DNAH9: variants seen among roughly 807,000 people sequenced by gnomAD.
The protein encoded by DNAH9 is DNAH9 variant protein.
Under a neutral mutation model 471.6 loss-of-function variants are expected in DNAH9, and 345 were observed. The ratio of observed to expected loss-of-function variants is 0.73; its 90% CI spans 0.67 to 0.80. The LOEUF is 0.80. Among genes scored for constraint, DNAH9 ranks in the 30% least tolerant of loss-of-function variants. DNAH9 has a pLI of 0.00. For synonymous variants in DNAH9, 2,093 were observed against 2,123.6 expected, an observed-to-expected ratio of 0.99 and a Z score of 0.40; for missense variants, 5,407 against 5,609.2, an observed-to-expected ratio of 0.96 and a Z score of 1.15.
intron 51 of DNAH9, 100 bp downstream of exon 51, chr17:11,869,353 G>T: frequency 6.8e-7 from 1 of 1,460,076 alleles, no homozygotes; most frequent in South Asian, 1.4e-5. Context: ...GCAGCGCTTT[G>T]ACTTGGAGGG....
At chr17:11,750,908 A>G (rs751489684) in intron 32 of DNAH9, among the ~76,000 whole-genome samples, 1 of 152,134 alleles carries the variant, frequency 6.6e-6, no homozygotes, top group Non-Finnish European at 1.5e-5. Context: ...ATAAAAGCTG[A>G]AATTAGTCAC....
intron 17 of DNAH9, among the ~76,000 whole-genome samples, chr17:11,675,008 A>C (rs2074028347): frequency 6.6e-6 from 1 of 152,130 alleles, no homozygotes. Context: ...GTAGAAGAAA[A>C]AAATCTTTTA....
At chr17:11,653,071 G>T in intron 14 of DNAH9, 69 bp downstream of exon 14, 2 of 1,534,058 alleles carry the variant, frequency 1.3e-6, no homozygotes, top group South Asian at 1.2e-5. Flanking sequence ...GTGTTTGGAT[G>T]AATAAGTGAT....
rs74418923 is a variant in DNAH9 at position 11,885,710 on chromosome 17, G to A, written c.10972-1115G>A. On this transcript the variant is annotated intron_variant, in intron 56 of 68. Transcript: ENST00000262442. ...CTGCTCTAAAACATACTTTGTTAAT[G>A]GTGAGTTTGTTCAGTCATTCTCAGT... Among the ~76,000 whole-genome samples, 1,439 of 152,212 alleles carry A rather than the reference G, an allele frequency of 9.5e-3. 5 individuals are homozygous for A. The highest frequency in any genetic ancestry group is 0.015 in the Non-Finnish European group (1,050 of 68,008).
At chr17:11,628,762 C>T (rs554172520) in intron 6 of DNAH9, among the ~76,000 whole-genome samples, 3 of 152,200 alleles carry the variant, frequency 2.0e-5, no homozygotes, top group East Asian at 3.9e-4. Context: ...GAGAAATCAG[C>T]GATAAAGCTA....
intron 38 of DNAH9, among the ~76,000 whole-genome samples, chr17:11,769,567 CCTCAAGAG>C (rs1193012867): frequency 6.6e-6 from 1 of 152,216 alleles, no homozygotes; most frequent in Non-Finnish European, 1.5e-5. Context: ...CTGTTAAATT[CCTCAAGAG>C]CAAGGTGTTC....
At chr17:11,607,638 C>T (rs2098069) in intron 1 of DNAH9, among the ~76,000 whole-genome samples, 56,577 of 151,794 alleles carry the variant, frequency 0.37, 11,771 homozygotes, top group South Asian at 0.62. Context: ...GGTGTGATCT[C>T]GACTCACTGC....
chr17:11,811,409 T>C (rs142196875), intron 45 of DNAH9, among the ~76,000 whole-genome samples: 1 of 152,332 alleles, frequency 6.6e-6, no homozygotes, highest in African/African-American at 2.4e-5. Flanking sequence ...CCTATTCTCT[T>C]GATGTAAGTT....
At chr17:11,768,318 G>T in intron 36 of DNAH9, 135 bp from the exon 37 acceptor site, 1 of 883,992 alleles carries the variant, frequency 1.1e-6, no homozygotes. Flanking sequence ...TCCTGGAGGA[G>T]CTGGTCTAGC....
intron 3 of DNAH9, 52 bp from the exon 4 acceptor site, chr17:11,611,598 A>T (rs886781813): frequency 6.3e-7 from 1 of 1,589,294 alleles, no homozygotes; most frequent in Non-Finnish European, 8.6e-7. Context: ...TCACAGTGTG[A>T]CTTGCATTTC....
chr17:11,945,767 C>T (rs917025795), intron 67 of DNAH9, among the ~76,000 whole-genome samples: 2 of 151,660 alleles, frequency 1.3e-5, no homozygotes, highest in Non-Finnish European at 2.9e-5. Flanking sequence ...TGTGAGAAAG[C>T]TGCACTTGTG....
intron 32 of DNAH9, among the ~76,000 whole-genome samples, chr17:11,749,884 A>T (rs1206541290): frequency 6.6e-6 from 1 of 152,164 alleles, no homozygotes; most frequent in African/African-American, 2.4e-5. Flanking sequence ...CAATCATTTT[A>T]TAACATATTT....
In DNAH9 at chr17:11,740,500, G is replaced by A. The variant is rs148251218; in HGVS notation, c.5972+1463G>A. On this transcript the variant is annotated intron_variant, in intron 29 of 68. Coordinates refer to ENST00000262442, the MANE Select transcript of DNAH9 (RefSeq NM_001372.4). The stretch of plus-strand genomic sequence containing the variant: ...AGGATGAGCTAGCTCTCTGGGTAGC[G>A]CTCCACCCTCATGACCTAATGACCT... Among the ~76,000 whole-genome samples, 747 of 152,164 alleles carry A rather than the reference G, an allele frequency of 4.9e-3. 11 individuals carry two copies. Among genetic ancestry groups the A allele is most frequent in the African/African-American group, 0.016 (670 of 41,498 alleles).
At chr17:11,763,193 G>A (rs79312269) in intron 35 of DNAH9, among the ~76,000 whole-genome samples, 12,027 of 152,020 alleles carry the variant, frequency 0.079, 627 homozygotes, top group Non-Finnish European at 0.11. Flanking sequence ...GGAGGGGGAG[G>A]GTGTCAGAGG....
In DNAH9 at chr17:11,764,912, C is replaced by T. The variant is rs527239285; in HGVS notation, c.7170+1298C>T. Among the ~76,000 whole-genome samples, 34 of 152,266 alleles carry T rather than the reference C, an allele frequency of 2.2e-4. 1 individual carries two copies. In the South Asian group the frequency reaches 5.0e-3, roughly 22 times the overall value. On this transcript the variant is annotated intron_variant, in intron 36 of 68. Transcript: ENST00000262442. ...TCACATCATATGCATTAAATATGTGCAGCTTTTTGTATATCAGTCATACCA... is the reference window on the plus strand; with the variant it reads ...TCACATCATATGCATTAAATATGTGTAGCTTTTTGTATATCAGTCATACCA...
chr17:11,880,226 C>CT (rs1197837020), intron 54 of DNAH9, 26 bp downstream of exon 54: 3 of 1,609,810 alleles, frequency 1.9e-6, no homozygotes, highest in Non-Finnish European at 1.7e-6. Context: ...GTTGCTGACC[C>CT]TTCGGGGGGA....
At chr17:11,918,806 T>C (rs11657436) in intron 61 of DNAH9, among the ~76,000 whole-genome samples, 1 of 151,920 alleles carries the variant, frequency 6.6e-6, no homozygotes, top group African/African-American at 2.4e-5. Context: ...GCCAACATGG[T>C]GAAATCCCAT....
At chr17:11,611,617 T>G in intron 3 of DNAH9, 33 bp from the exon 4 acceptor site, 2 of 1,608,910 alleles carry the variant, frequency 1.2e-6, no homozygotes, top group Non-Finnish European at 1.7e-6. Flanking sequence ...TCCTGATGCT[T>G]CCCTGGATTC....
At chr17:11,798,432 C>CAAA (rs71142247) in intron 43 of DNAH9, among the ~76,000 whole-genome samples, 18 of 61,608 alleles carry the variant, frequency 2.9e-4, no homozygotes, top group African/African-American at 5.0e-4. Flanking sequence ...GACTCTGCCT[C>CAAA]AAAAAAAAAA....
Sources: gnomAD v4.1 joint callset for allele counts (sites outside exome capture counted in the v4.1 genomes callset) on GRCh38, gnomAD v4.1.1 for gene constraint, MANE v1.5 for transcripts, NCBI Gene and HGNC (gene_info 2026-07-23, HGNC 2026-07-21) for gene names.